Variants in FILIP1L observed in about 807,000 individuals in gnomAD.
FILIP1L encodes filamin A-interacting protein 1-like.
FILIP1L carries 55 observed loss-of-function variants against 96.6 expected under a neutral mutation model. The observed-to-expected ratio is 0.57, with a 90% CI of 0.46 to 0.71. The LOEUF (loss-of-function observed/expected upper bound fraction) is 0.71. Among genes scored for constraint, FILIP1L ranks in the 30% least tolerant of loss-of-function variants. The probability of loss-of-function intolerance (pLI) is 0.00; values close to 1 mark genes in which losing one functional copy is unlikely to be tolerated. For synonymous variants in FILIP1L, 467 were observed against 473.9 expected (o/e 0.99, Z 0.19); for missense variants, 1,304 against 1,321.2 (o/e 0.99, Z 0.20).
intron 5 of FILIP1L, among the ~76,000 whole-genome samples, chr3:99,846,472 C>G (rs1322211796): frequency 6.6e-6 from 1 of 152,204 alleles, no homozygotes; most frequent in Non-Finnish European, 1.5e-5. Context: ...GCCATTCCTT[C>G]TAGAGTTCTG....
At chr3:100,096,906 A>T (rs1001483552) in intron 1 of FILIP1L, among the ~76,000 whole-genome samples, 2 of 152,184 alleles carry the variant, frequency 1.3e-5, no homozygotes, top group Non-Finnish European at 2.9e-5. Context: ...CTATGTACCC[A>T]CAAAAATTAA....
intron 4 of FILIP1L, among the ~76,000 whole-genome samples, chr3:99,900,382 A>C (rs1322992672): frequency 6.6e-6 from 1 of 152,206 alleles, no homozygotes; most frequent in East Asian, 1.9e-4. Flanking sequence ...ATATAAATTA[A>C]TTCATTTAAT....
chr3:100,055,658 AT>A (rs2065452455), intron 1 of FILIP1L, among the ~76,000 whole-genome samples: 1 of 152,224 alleles, frequency 6.6e-6, no homozygotes, highest in Non-Finnish European at 1.5e-5. Context: ...GCATTTTCAC[AT>A]TTATATTTTA....
At chr3:100,083,857 A>T (rs1479242946) in intron 1 of FILIP1L, among the ~76,000 whole-genome samples, 1 of 152,170 alleles carries the variant, frequency 6.6e-6, no homozygotes, top group Non-Finnish European at 1.5e-5. Context: ...TTAAGGCATG[A>T]GCCACGGTGC....
At chr3:99,894,259 AG>A (rs1441885554) in intron 4 of FILIP1L, among the ~76,000 whole-genome samples, 2 of 152,230 alleles carry the variant, frequency 1.3e-5, no homozygotes, top group African/African-American at 4.8e-5. Flanking sequence ...CTAAGGGAGA[AG>A]ATCTGTATCT....
chr3:99,840,855 T>C (rs940440021), intron 5 of FILIP1L, among the ~76,000 whole-genome samples: 10 of 152,220 alleles, frequency 6.6e-5, no homozygotes, highest in African/African-American at 2.4e-4. Context: ...CTGCCTCCAG[T>C]GCTCCTTCCC....
chr3:100,091,682 T>G (rs573052318), intron 1 of FILIP1L, among the ~76,000 whole-genome samples: 19 of 152,372 alleles, frequency 1.2e-4, no homozygotes, highest in African/African-American at 3.8e-4. Context: ...AAATTCCTGT[T>G]TCTGCCATCT....
At chr3:99,928,898 C>T (rs1010191230) in intron 3 of FILIP1L, among the ~76,000 whole-genome samples, 21 of 152,112 alleles carry the variant, frequency 1.4e-4, no homozygotes, top group African/African-American at 2.9e-4. Context: ...ATCCTCACCC[C>T]GTAGAGAAGC....
chr3:100,030,276 G>C (rs1347856269), intron 1 of FILIP1L, among the ~76,000 whole-genome samples: 1 of 152,070 alleles, frequency 6.6e-6, no homozygotes, highest in Non-Finnish European at 1.5e-5. Flanking sequence ...GAGCTGGCTT[G>C]GATGAGAAAG....
Position 99,830,357 on chromosome 3 carries a change from T to G in FILIP1L, c.*57A>C. 8.2e-6 allele frequency: 3 copies of G among 364,538 alleles called. No individual in the cohort carries two copies. The East Asian group carries it at 2.2e-4, about 27-fold the overall frequency. The allele number at this position is 364,538 out of a possible 1,614,324, so 22.6% of individuals were successfully genotyped here. On this transcript the variant is annotated 3_prime_UTR_variant, in exon 6 of 6. Coordinates refer to ENST00000477258, the MANE Select transcript of FILIP1L (RefSeq NM_001387850.1). ...TCCTTTGGCCTTTCATAGTGGTAATTTTAGCTTTCCACATATTTCTGTAGA... is the reference window on the plus strand; with the variant it reads ...TCCTTTGGCCTTTCATAGTGGTAATGTTAGCTTTCCACATATTTCTGTAGA...
chr3:100,099,442 A>T (rs1038946850), intron 1 of FILIP1L, among the ~76,000 whole-genome samples: 1 of 152,198 alleles, frequency 6.6e-6, no homozygotes, highest in Non-Finnish European at 1.5e-5. Context: ...TAAGGAAGGT[A>T]GAGGAAGAAG....
chr3:99,888,617 A>G (rs1275634406), intron 4 of FILIP1L, among the ~76,000 whole-genome samples: 1 of 152,152 alleles, frequency 6.6e-6, no homozygotes, highest in Non-Finnish European at 1.5e-5. Flanking sequence ...TTTTAGGTAC[A>G]CCCTCCTAAC....
intron 1 of FILIP1L, among the ~76,000 whole-genome samples, chr3:99,962,805 A>C (rs953832335): frequency 6.6e-6 from 1 of 152,220 alleles, no homozygotes; most frequent in African/African-American, 2.4e-5. Context: ...TGCAGCCCCT[A>C]AGAACAAATT....
chr3:100,105,841 G>A (rs9837602), intron 1 of FILIP1L, among the ~76,000 whole-genome samples: 27,680 of 152,132 alleles, frequency 0.18, 2,897 homozygotes, highest in South Asian at 0.25. Flanking sequence ...TGGGATGCAA[G>A]TAGTTTTTTG....
At chr3:100,048,225 G>A (rs547810642) in intron 1 of FILIP1L, among the ~76,000 whole-genome samples, 1 of 152,318 alleles carries the variant, frequency 6.6e-6, no homozygotes, top group South Asian at 2.1e-4. Flanking sequence ...TCCTTCCACT[G>A]TCTTTATTTT....
At chr3:99,983,483 T>C (rs1206462103) in intron 1 of FILIP1L, among the ~76,000 whole-genome samples, 1 of 21,218 alleles carries the variant, frequency 4.7e-5, no homozygotes, top group East Asian at 4.3e-3. Context: ...TATATATATA[T>C]ATATATATAT....
intron 1 of FILIP1L, among the ~76,000 whole-genome samples, chr3:100,034,549 G>A (rs1402514371): frequency 6.6e-6 from 1 of 152,128 alleles, no homozygotes; most frequent in Non-Finnish European, 1.5e-5. Flanking sequence ...AAATTATTTG[G>A]GGCCTCAAAT....
At chr3:100,065,294 A>G (rs1318774382) in intron 1 of FILIP1L, among the ~76,000 whole-genome samples, 1 of 152,198 alleles carries the variant, frequency 6.6e-6, no homozygotes, top group Non-Finnish European at 1.5e-5. Flanking sequence ...TTCCTGCTAT[A>G]GTTTGAGAAC....
intron 1 of FILIP1L, among the ~76,000 whole-genome samples, chr3:100,064,806 T>A (rs531276164): frequency 1.3e-4 from 20 of 152,292 alleles, no homozygotes; most frequent in Admixed American, 7.2e-4. Flanking sequence ...AACAGCTAAT[T>A]TTTTAAGGAA....
Sources: gnomAD v4.1 joint callset for allele counts (sites outside exome capture counted in the v4.1 genomes callset) on GRCh38, gnomAD v4.1.1 for gene constraint, MANE v1.5 for transcripts, NCBI Gene and HGNC (gene_info 2026-07-23, HGNC 2026-07-21) for gene names.